Variants in PCDH9 observed in about 807,000 individuals in gnomAD.
PCDH9 encodes protocadherin 9.
Under a neutral mutation model 70.6 loss-of-function variants are expected in PCDH9, and 24 were observed. The ratio of observed to expected loss-of-function variants is 0.34; its 90% CI spans 0.25 to 0.48. The LOEUF (loss-of-function observed/expected upper bound fraction) is 0.48, where lower values mean the gene tolerates loss of function less well. Ranked by LOEUF, PCDH9 falls within the 20% of genes least tolerant of loss-of-function variation. The pLI, the probability that PCDH9 is intolerant of heterozygous loss-of-function variation, is 0.99. For missense variants in PCDH9, 1,281 were observed against 1,503.6 expected (o/e 0.85, Z 2.45); for synonymous variants, 562 against 558.5 (o/e 1.01, Z -0.09).
chr13:67,077,384 C>T (rs1012222117), intron 2 of PCDH9, among the ~76,000 whole-genome samples: 3 of 152,190 alleles, frequency 2.0e-5, no homozygotes, highest in African/African-American at 7.2e-5. Context: ...GTTTGTTTTT[C>T]AACCATCATT....
intron 2 of PCDH9, among the ~76,000 whole-genome samples, chr13:66,970,859 C>T (rs1004340850): frequency 4.0e-5 from 6 of 151,898 alleles, no homozygotes; most frequent in Non-Finnish European, 8.8e-5. Context: ...ATTTATTTAT[C>T]TTTTTAACAA....
At chr13:66,343,844 G>T (rs1385544601) in intron 4 of PCDH9, among the ~76,000 whole-genome samples, 1 of 152,164 alleles carries the variant, frequency 6.6e-6, no homozygotes, top group African/African-American at 2.4e-5. Context: ...TTTGGAAAGG[G>T]CTGAGGATGG....
intron 2 of PCDH9, among the ~76,000 whole-genome samples, chr13:67,030,945 T>C (rs1247568042): frequency 6.6e-6 from 1 of 152,214 alleles, no homozygotes; most frequent in Non-Finnish European, 1.5e-5. Context: ...GTGACACTGA[T>C]ATAGGAAACT....
chr13:66,815,598 G>T (rs189387163), intron 3 of PCDH9, among the ~76,000 whole-genome samples: 1 of 152,168 alleles, frequency 6.6e-6, no homozygotes, highest in East Asian at 1.9e-4. Flanking sequence ...GCCATAAAGA[G>T]AACAAGACCG....
At chr13:67,028,585 TA>T (rs1215094920) in intron 2 of PCDH9, among the ~76,000 whole-genome samples, 2 of 150,860 alleles carry the variant, frequency 1.3e-5, no homozygotes, top group East Asian at 2.0e-4. Context: ...AAAATAAAAA[TA>T]AAAAAATAAA....
At chr13:66,887,003 T>G (rs2082014606) in intron 3 of PCDH9, among the ~76,000 whole-genome samples, 1 of 150,900 alleles carries the variant, frequency 6.6e-6, no homozygotes, top group African/African-American at 2.4e-5. Flanking sequence ...GTGTTCTCTC[T>G]CTCTCTAATT....
At chr13:66,890,429 C>T (rs1038386844) in intron 3 of PCDH9, among the ~76,000 whole-genome samples, 17 of 148,780 alleles carry the variant, frequency 1.1e-4, no homozygotes, top group Admixed American at 2.0e-4. Context: ...AAACTTCTTC[C>T]TAACTGTAGA....
At chr13:66,705,890 G>A (rs974888961) in intron 3 of PCDH9, among the ~76,000 whole-genome samples, 1 of 152,058 alleles carries the variant, frequency 6.6e-6, no homozygotes, top group Admixed American at 6.6e-5. Context: ...TTACTGAAAG[G>A]AAAAATCCTT....
At position 66,713,625 on chromosome 13, in the gene PCDH9, G is replaced by GTATATATATATATATATATA. The variant is rs67681559; in HGVS notation, c.3139-82234_3139-82215dup. 4.5e-3 allele frequency among the ~76,000 whole-genome samples: 497 copies of GTATATATATATATATATATA among 109,852 alleles called. 1 individual carries two copies. The highest frequency in any genetic ancestry group is 6.9e-3 in the Non-Finnish European group (384 of 55,646). The allele number at this position is 109,852 out of a possible 152,430, so 72.1% of individuals were successfully genotyped here. Reference sequence around the variant, plus strand: ...ATATATATATAAAGTGTGTGTGTGTGTATATATATATATATATATATATAT... The same window carrying GTATATATATATATATATATA: ...ATATATATATAAAGTGTGTGTGTGTGTATATATATATATATATATATATATATATATATATATATATATAT... On this transcript the variant is annotated intron_variant, in intron 3 of 4. Transcript: ENST00000377865.
At chr13:67,181,817 A>G (rs2088623695) in intron 2 of PCDH9, among the ~76,000 whole-genome samples, 2 of 152,230 alleles carry the variant, frequency 1.3e-5, no homozygotes, top group South Asian at 4.1e-4. Flanking sequence ...TTCTCAAGAT[A>G]CAAGCAATAC....
chr13:67,134,956 T>C (rs867330965), intron 2 of PCDH9, among the ~76,000 whole-genome samples: 2 of 152,188 alleles, frequency 1.3e-5, no homozygotes, highest in South Asian at 4.1e-4. Flanking sequence ...AGTTAAAGGG[T>C]ACCAATGAAA....
At chr13:66,485,772 G>A (rs532842929) in intron 4 of PCDH9, among the ~76,000 whole-genome samples, 6 of 147,442 alleles carry the variant, frequency 4.1e-5, no homozygotes, top group East Asian at 2.0e-4. Context: ...ACTGAGTTTC[G>A]CTCTTGTTTC....
chr13:66,875,975 C>T (rs996681638), intron 3 of PCDH9, among the ~76,000 whole-genome samples: 1 of 152,108 alleles, frequency 6.6e-6, no homozygotes, highest in African/African-American at 2.4e-5. Flanking sequence ...TTTTATAAAA[C>T]GTTGAGTTTG....
chr13:67,154,930 C>A (rs979410987), intron 2 of PCDH9, among the ~76,000 whole-genome samples: 1 of 151,844 alleles, frequency 6.6e-6, no homozygotes, highest in Non-Finnish European at 1.5e-5. Context: ...TCAGTCTGGT[C>A]TCGAACTCCT....
chr13:67,194,862 TAAAAC>T (rs1420472941), intron 2 of PCDH9, among the ~76,000 whole-genome samples: 1 of 152,016 alleles, frequency 6.6e-6, no homozygotes, highest in Non-Finnish European at 1.5e-5. Context: ...CAAAACAAAA[TAAAAC>T]AAAAATGTTT....
intron 2 of PCDH9, among the ~76,000 whole-genome samples, chr13:67,159,449 C>G (rs2087897998): frequency 6.6e-6 from 1 of 152,084 alleles, no homozygotes; most frequent in Non-Finnish European, 1.5e-5. Context: ...GCACACTTGG[C>G]CCTTCACAAC....
At chr13:66,854,123 C>G (rs184569841) in intron 3 of PCDH9, among the ~76,000 whole-genome samples, 79 of 152,204 alleles carry the variant, frequency 5.2e-4, no homozygotes, top group Admixed American at 2.0e-3. Context: ...GAGTATTGTA[C>G]TGCTTATAAT....
intron 3 of PCDH9, among the ~76,000 whole-genome samples, chr13:66,888,205 G>C (rs2082039269): frequency 6.6e-6 from 1 of 152,092 alleles, no homozygotes; most frequent in African/African-American, 2.4e-5. Flanking sequence ...TCAAAAAAAT[G>C]GACCACCAGC....
At chr13:66,427,224 C>T (rs141031832) in intron 4 of PCDH9, among the ~76,000 whole-genome samples, 6 of 151,530 alleles carry the variant, frequency 4.0e-5, no homozygotes, top group East Asian at 1.9e-4. Flanking sequence ...CTGCTAAATA[C>T]GTCTGATTAC....
Sources: allele counts gnomAD v4.1 joint callset (sites outside exome capture counted in the v4.1 genomes callset), GRCh38; gene constraint gnomAD v4.1.1; transcripts MANE v1.5; gene names NCBI Gene and HGNC (gene_info 2026-07-23, HGNC 2026-07-21).